HARBI1: variants seen among roughly 807,000 people sequenced by gnomAD.
HARBI1 encodes putative nuclease HARBI1.
HARBI1 carries 15 observed loss-of-function variants against 25.3 expected under a neutral mutation model. The ratio of observed to expected loss-of-function variants is 0.59; its 90% CI spans 0.40 to 0.91. HARBI1 has a LOEUF of 0.91. Ranked by LOEUF, HARBI1 falls within the 40% of genes least tolerant of loss-of-function variation. The pLI, the probability that HARBI1 is intolerant of heterozygous loss-of-function variation, is 0.00. For missense variants in HARBI1, 396 were observed against 445.8 expected (o/e 0.89, Z 1.01); for synonymous variants, 168 against 160.5 (o/e 1.05, Z -0.35).
At chr11:46,611,314 A>C (rs1463268775) in intron 2 of HARBI1, among the ~76,000 whole-genome samples, 1 of 152,148 alleles carries the variant, frequency 6.6e-6, no homozygotes, top group Non-Finnish European at 1.5e-5. Context: ...GCTATTATTT[A>C]ACTCTTAAAG....
Position 46,616,205 on chromosome 11 carries a change from G to A in HARBI1, c.33C>T (p.Asp11=). Residue 11 remains aspartate, a synonymous_variant, in exon 2 of 3, where the codon GAC becomes GAT. Transcript: ENST00000326737. ...GGTGACCACGGCCATATAGCAAGAGGTCACAGTCAAGCACTGTTATTGGTA... is the reference window on the plus strand; with the variant it reads ...GGTGACCACGGCCATATAGCAAGAGATCACAGTCAAGCACTGTTATTGGTA... The part of the protein sequence containing the change: MAIPITVLDC[D]LLLYGRGHRT... 1.9e-6 allele frequency: 3 copies of A among 1,611,692 alleles called. No individual in the cohort carries two copies. The highest frequency in any genetic ancestry group is 2.5e-6 in the Non-Finnish European group (3 of 1,180,016).
chr11:46,616,828 G>A (rs1223115761), intron 1 of HARBI1: 60 of 219,566 alleles, frequency 2.7e-4, no homozygotes, highest in Non-Finnish European at 3.3e-4. Context: ...AGAAAAGAAG[G>A]GGCAAAAAAA....
chr11:46,603,951 G>A (rs1305938660), intron 2 of HARBI1, 42 bp from the exon 3 acceptor site: 2 of 1,541,334 alleles, frequency 1.3e-6, no homozygotes, highest in African/African-American at 1.4e-5. Context: ...ACTATAAGTG[G>A]AATAGAAACA....
intron 1 of HARBI1, chr11:46,616,852 A>AC (rs1169938974): frequency 1.6e-5 from 15 of 966,978 alleles, no homozygotes; most frequent in Non-Finnish European, 1.7e-5. Context: ...AAAAAAAAAA[A>AC]AAAAAAAAAA....
chr11:46,603,787 G>C lies in HARBI1; in HGVS notation c.793C>G (p.Arg265Gly). Residue 265 changes from arginine (R) to glycine (G), a missense_variant, in exon 3 of 3, where the codon CGA becomes GGA. Arg to Gly is a moderately radical substitution (Grantham distance 125). Coordinates refer to ENST00000326737, the MANE Select transcript of HARBI1 (RefSeq NM_173811.4). ...ATHSVIEKTF[R>G]TLCSRFRCLD... ...CAGCGGAATCGGGAGCAGAGGGTTCGGAAAGTCTTCTCAATCACACTGTGA... is the reference window on the plus strand; with the variant it reads ...CAGCGGAATCGGGAGCAGAGGGTTCCGAAAGTCTTCTCAATCACACTGTGA... 1.9e-6 allele frequency: 3 copies of C among 1,614,150 alleles called. No individual in the cohort carries two copies. The highest frequency in any genetic ancestry group is 2.5e-6 in the Non-Finnish European group (3 of 1,180,034).
Position 46,616,111 on chromosome 11 carries a change from G to T in HARBI1, c.127C>A (p.Arg43=), listed in dbSNP as rs777367207. The change falls in exon 2 of 3, where the codon CGG becomes AGG. Residue 43 remains arginine (R), a synonymous_variant. Coordinates refer to ENST00000326737, the MANE Select transcript of HARBI1 (RefSeq NM_173811.4). ...EYLMSMYGFP[R]QFIYYLVELL... Reference sequence around the variant, plus strand: ...TCCACCAAGTAATAAATGAACTGCCGTGGAAACCCATACATGGACATCAAG... The same window carrying T: ...TCCACCAAGTAATAAATGAACTGCCTTGGAAACCCATACATGGACATCAAG... 1 of 1,614,132 alleles carries T rather than the reference G, an allele frequency of 6.2e-7. No individual in the cohort carries two copies. Among genetic ancestry groups the T allele is most frequent in the South Asian group, 1.1e-5 (1 of 91,072 alleles).
At chr11:46,614,984 CTAACCGCA>C (rs1424342213) in intron 2 of HARBI1, among the ~76,000 whole-genome samples, 1 of 152,132 alleles carries the variant, frequency 6.6e-6, no homozygotes, top group East Asian at 1.9e-4. Context: ...GCGATCTTGG[CTAACCGCA>C]ACCTCCGCCT....
intron 1 of HARBI1, chr11:46,616,845 A>C (rs968554204): frequency 6.5e-6 from 6 of 919,154 alleles, no homozygotes; most frequent in Non-Finnish European, 7.8e-6. Context: ...AAAAAAAAAA[A>C]AAAAAAAAAA....
chr11:46,604,632 T>C, intron 2 of HARBI1: 1 of 985,160 alleles, frequency 1.0e-6, no homozygotes, highest in Non-Finnish European at 1.2e-6. Flanking sequence ...CCAAGGGATT[T>C]CAGGGGATTT....
chr11:46,616,851 A>AAC, intron 1 of HARBI1: 11 of 971,448 alleles, frequency 1.1e-5, no homozygotes, highest in Non-Finnish European at 1.3e-5. Context: ...AAAAAAAAAA[A>AAC]AAAAAAAAAA....
chr11:46,616,940 T>C lies in HARBI1; in HGVS notation c.-145+184A>G, dbSNP rs922764379. On this transcript the variant is annotated intron_variant, in intron 1 of 2. Transcript: ENST00000326737. ...AAGGCTTTTCCCTCACTCCAAGAAC[T>C]CCAAATCGTGAACCTGAGGGCCAGG... 5.0e-5 allele frequency: 48 copies of C among 969,402 alleles called. No individual in the cohort carries two copies. The African/African-American group carries it at 8.1e-4, about 16-fold the overall frequency. The allele number at this position is 969,402 out of a possible 1,614,324, so 60.1% of individuals were successfully genotyped here. A position where few individuals can be genotyped will look rare whatever the true frequency, so the allele number is the denominator to read the frequency against.
At chr11:46,608,624 T>A (rs558788641) in intron 2 of HARBI1, among the ~76,000 whole-genome samples, 1,833 of 137,250 alleles carry the variant, frequency 0.013, 43 homozygotes, top group African/African-American at 0.051. Context: ...AAAAAAAAAA[T>A]TTTTTTTTTT....
At chr11:46,610,738 A>G (rs1034554084) in intron 2 of HARBI1, among the ~76,000 whole-genome samples, 2 of 152,172 alleles carry the variant, frequency 1.3e-5, no homozygotes, top group African/African-American at 4.8e-5. Flanking sequence ...TTCTGTAGAG[A>G]GGGGCATCAG....
chr11:46,610,366 A>T (rs1015914531), intron 2 of HARBI1, among the ~76,000 whole-genome samples: 7 of 146,560 alleles, frequency 4.8e-5, no homozygotes, highest in African/African-American at 1.0e-4. Context: ...TATATATATA[A>T]AATAATAAAA....
chr11:46,615,470 G>C, intron 2 of HARBI1, 98 bp downstream of exon 2: 1 of 939,582 alleles, frequency 1.1e-6, no homozygotes, highest in Non-Finnish European at 1.7e-6. Flanking sequence ...TACCGCCTCA[G>C]CCTCCCAAAG....
chr11:46,614,938 G>A (rs2045317566), intron 2 of HARBI1, among the ~76,000 whole-genome samples: 1 of 152,048 alleles, frequency 6.6e-6, no homozygotes, highest in African/African-American at 2.4e-5. Context: ...TTGAGATGGA[G>A]TTTTGCTCTT....
At chr11:46,613,785 A>G (rs1168943938) in intron 2 of HARBI1, among the ~76,000 whole-genome samples, 1 of 151,596 alleles carries the variant, frequency 6.6e-6, no homozygotes, top group East Asian at 1.9e-4. Context: ...ACCCAGCAGT[A>G]TTTTGGCTTT....
rs920562815 is a variant in HARBI1 at position 46,604,145 on chromosome 11, A to T, written c.671-236T>A. The T allele has an allele frequency of 6.1e-6, 6 of 985,268 alleles. No homozygotes were observed. In the African/African-American group the frequency reaches 1.0e-4, roughly 17 times the overall value. 61.0% of individuals were successfully genotyped at this position (985,268 alleles called of 1,614,324 possible). On this transcript the variant is annotated intron_variant, in intron 2 of 2. Transcript: ENST00000326737. ...CGTTGGTAAAAATCGACACATAAAA[A>T]CGCTGGCACCTAAAGGAAGCCAAAT...
chr11:46,603,640 T>C lies in HARBI1; in HGVS notation c.940A>G (p.Met314Val). ...GGGGGCTGTTCCATGGGTCCTGTCATTGGAGAGGACCAAACATCCATCCCA... is the reference window on the plus strand; with the variant it reads ...GGGGGCTGTTCCATGGGTCCTGTCACTGGAGAGGACCAAACATCCATCCCA... ...EHGMDVWSSP[M>V]TGPMEQPPEE... The change falls in exon 3 of 3, where the codon ATG becomes GTG. Residue 314 changes from methionine to valine, a missense_variant. Physicochemically the swap from Met to Val is conservative, Grantham distance 21. Transcript: ENST00000326737. The C allele has an allele frequency of 6.2e-7, 1 of 1,614,162 alleles. No individual in the cohort carries two copies. Among genetic ancestry groups the C allele is most frequent in the Non-Finnish European group, 8.5e-7 (1 of 1,180,008 alleles).
Sources: allele counts gnomAD v4.1 joint callset (sites outside exome capture counted in the v4.1 genomes callset), GRCh38; gene constraint gnomAD v4.1.1; transcripts MANE v1.5; gene names NCBI Gene and HGNC (gene_info 2026-07-23, HGNC 2026-07-21).